The following ANKRD44 variants were observed in gnomAD, a reference collection of about 807,000 sequenced individuals.
ANKRD44 encodes serine/threonine-protein phosphatase 6 regulatory ankyrin repeat subunit B.
ANKRD44 carries 35 observed loss-of-function variants against 116.0 expected under a neutral mutation model. That is an observed-to-expected ratio of 0.30 (90% CI 0.23 to 0.40). The LOEUF is 0.40. Ranked by LOEUF, ANKRD44 falls within the 10% of genes least tolerant of loss-of-function variation. The probability of loss-of-function intolerance (pLI) is 1.00; values close to 1 mark genes in which losing one functional copy is unlikely to be tolerated. For missense variants in ANKRD44, 1,014 were observed against 1,242.6 expected (o/e 0.82, Z 2.77); for synonymous variants, 435 against 461.8 (o/e 0.94, Z 0.74).
rs1215360131 is a variant in ANKRD44 at position 196,990,964 on chromosome 2, G to A, written c.2924-1315C>T. The A allele has an allele frequency of 1.4e-5, 17 of 1,231,620 alleles. No homozygotes were observed. The Admixed American group carries it at 3.4e-4, about 24-fold the overall frequency. The allele number at this position is 1,231,620 out of a possible 1,614,324, so 76.3% of individuals were successfully genotyped here. ...TGCAGACAAGGCAGTGGTTAGTCCT[G>A]GGGAGCCTAGAGGAGGCACGAGCAT... On this transcript the variant is annotated intron_variant, in intron 27 of 27. Transcript: ENST00000282272.
downstream of ANKRD44, among the ~76,000 whole-genome samples, chr2:196,981,782 A>G (rs2075802636): frequency 6.6e-6 from 1 of 151,918 alleles, no homozygotes; most frequent in African/African-American, 2.4e-5. Flanking sequence ...TCCATCTCAA[A>G]ATAATAATAA....
At chr2:197,036,316 T>C (rs955476195) in intron 16 of ANKRD44, among the ~76,000 whole-genome samples, 4 of 152,260 alleles carry the variant, frequency 2.6e-5, no homozygotes, top group African/African-American at 9.6e-5. Flanking sequence ...TGGAGTGCAG[T>C]GGCATGATCT....
intron 16 of ANKRD44, among the ~76,000 whole-genome samples, chr2:197,046,938 G>A (rs1291621190): frequency 1.3e-5 from 2 of 152,012 alleles, no homozygotes; most frequent in African/African-American, 4.8e-5. Flanking sequence ...AGCATTTATA[G>A]CTATCTATGA....
chr2:197,080,115 A>C lies in ANKRD44; in HGVS notation c.1539-1301T>G, dbSNP rs151286175. Among the ~76,000 whole-genome samples the C allele has an allele frequency of 2.5e-3, 380 of 152,336 alleles. 1 individual carries two copies. The highest frequency in any genetic ancestry group is 0.016 in the East Asian group (85 of 5,192). ...TTTGACTCTTTAAATGAAATCACTC[A>C]ATAGGAATAACATGCTAGTGGACAC... is the stretch of plus-strand genomic sequence containing the variant. On this transcript the variant is annotated intron_variant, in intron 15 of 27. Transcript: ENST00000282272.
intron 1 of ANKRD44, among the ~76,000 whole-genome samples, chr2:197,289,089 C>T (rs981791194): frequency 6.6e-6 from 1 of 152,076 alleles, no homozygotes; most frequent in Non-Finnish European, 1.5e-5. Context: ...ATGATAAATA[C>T]TCAAAGTGAT....
intron 16 of ANKRD44, among the ~76,000 whole-genome samples, chr2:197,065,770 TG>T (rs2077419127): frequency 1.3e-5 from 2 of 149,736 alleles, no homozygotes; most frequent in Admixed American, 6.7e-5. Flanking sequence ...AATCCATGAC[TG>T]AACTCTGAAA....
At chr2:196,984,384 T>A (rs1270924969), downstream of ANKRD44, among the ~76,000 whole-genome samples, 1 of 152,222 alleles carries the variant, frequency 6.6e-6, no homozygotes, top group Non-Finnish European at 1.5e-5. Flanking sequence ...GCACAGCCAT[T>A]ATCTTGGTGC....
chr2:197,291,037 T>C (rs115201184), intron 1 of ANKRD44, among the ~76,000 whole-genome samples: 5,997 of 151,820 alleles, frequency 0.04, 375 homozygotes, highest in African/African-American at 0.14. Context: ...AGGGAGACCC[T>C]GTCTGTACAA....
intron 27 of ANKRD44, chr2:196,990,285 C>T (rs984668594): frequency 8.1e-6 from 8 of 989,054 alleles, no homozygotes; most frequent in South Asian, 4.7e-5. Context: ...CCCTTCCCTC[C>T]CAGGGGACAT....
chr2:197,003,962 T>A (rs564389190), intron 21 of ANKRD44, among the ~76,000 whole-genome samples: 1 of 151,946 alleles, frequency 6.6e-6, no homozygotes, highest in Admixed American at 6.5e-5. Context: ...CAGTAAGAGG[T>A]CTTAAATTGA....
chr2:197,074,458 A>C (rs967085240), intron 16 of ANKRD44, among the ~76,000 whole-genome samples: 1 of 152,028 alleles, frequency 6.6e-6, no homozygotes, highest in Non-Finnish European at 1.5e-5. Context: ...GTAATGACAC[A>C]TTGCCAATGT....
chr2:196,990,990 T>A, intron 27 of ANKRD44: 1 of 1,197,306 alleles, frequency 8.4e-7, no homozygotes, highest in East Asian at 3.2e-5. Context: ...GCACGAGCAT[T>A]CCACAGTACA....
chr2:197,105,056 C>G (rs2078392445), intron 9 of ANKRD44, among the ~76,000 whole-genome samples: 1 of 152,118 alleles, frequency 6.6e-6, no homozygotes, highest in East Asian at 1.9e-4. Flanking sequence ...AATAGAAATA[C>G]TGATCTTTCT....
At chr2:197,157,462 G>A (rs1036397631) in intron 2 of ANKRD44, among the ~76,000 whole-genome samples, 5 of 152,062 alleles carry the variant, frequency 3.3e-5, no homozygotes, top group African/African-American at 1.2e-4. Context: ...ATCACCTGAG[G>A]TCAGGAGTTC....
intron 9 of ANKRD44, among the ~76,000 whole-genome samples, chr2:197,110,465 C>T (rs1449017429): frequency 1.3e-5 from 2 of 152,162 alleles, no homozygotes; most frequent in African/African-American, 4.8e-5. Context: ...TTATTAGTTT[C>T]AGAGTGAGAT....
At chr2:197,206,360 G>A (rs927661539) in intron 1 of ANKRD44, among the ~76,000 whole-genome samples, 1 of 152,158 alleles carries the variant, frequency 6.6e-6, no homozygotes, top group Admixed American at 6.5e-5. Context: ...GCTCTGCTAG[G>A]GAAAAGATGT....
chr2:197,133,121 G>A (rs116831653), intron 4 of ANKRD44, among the ~76,000 whole-genome samples: 256 of 152,282 alleles, frequency 1.7e-3, no homozygotes, highest in African/African-American at 4.0e-3. Flanking sequence ...GACACTAATC[G>A]GCTGGATCAC....
chr2:197,136,871 A>T (rs2079230715), intron 3 of ANKRD44, among the ~76,000 whole-genome samples: 1 of 152,242 alleles, frequency 6.6e-6, no homozygotes, highest in Admixed American at 6.5e-5. Flanking sequence ...CTAGCCAGAT[A>T]TTTTGGTAAA....
intron 24 of ANKRD44, 80 bp downstream of exon 24, chr2:196,998,827 A>G: frequency 1.3e-6 from 2 of 1,568,154 alleles, no homozygotes; most frequent in Non-Finnish European, 1.7e-6. Flanking sequence ...ATATACTATG[A>G]GAACAACTGA....
Sources: gnomAD v4.1 joint callset for allele counts (sites outside exome capture counted in the v4.1 genomes callset) on GRCh38, gnomAD v4.1.1 for gene constraint, MANE v1.5 for transcripts, NCBI Gene and HGNC (gene_info 2026-07-23, HGNC 2026-07-21) for gene names.